The following SASH1 variants were observed in gnomAD, a reference collection of about 807,000 sequenced individuals.
The protein encoded by SASH1 is SAM and SH3 domain containing 1.
SASH1 carries 44 observed loss-of-function variants against 125.2 expected under a neutral mutation model. The ratio of observed to expected loss-of-function variants is 0.35; its 90% CI spans 0.28 to 0.45. The LOEUF (loss-of-function observed/expected upper bound fraction) is 0.45. Among genes scored for constraint, SASH1 ranks in the 20% least tolerant of loss-of-function variants. SASH1 has a pLI of 1.00. For synonymous variants in SASH1, 639 were observed against 649.1 expected (o/e 0.98, Z 0.24); for missense variants, 1,426 against 1,614.5 (o/e 0.88, Z 2.00).
At chr6:148,356,333 C>G (rs1385249019) in intron 1 of SASH1, among the ~76,000 whole-genome samples, 3 of 151,922 alleles carry the variant, frequency 2.0e-5, no homozygotes, top group Non-Finnish European at 4.4e-5. Context: ...GATCCGCCTG[C>G]CTCAGCCTCC....
At position 148,514,055 on chromosome 6, in the gene SASH1, A is replaced by G. The variant is rs1780295794; in HGVS notation, c.730-269A>G. ...CTAAGAGAGGACAAGGAAGTAGTTG[A>G]GACAGATGCCCCCACAGGCCACTTG... On this transcript the variant is annotated intron_variant, in intron 8 of 19. Coordinates refer to ENST00000367467, the MANE Select transcript of SASH1 (RefSeq NM_015278.5). 1.2e-5 allele frequency: 14 copies of G among 1,178,148 alleles called. No homozygotes were observed. The South Asian group carries it at 3.4e-4, about 28-fold the overall frequency. The allele number at this position is 1,178,148 out of a possible 1,614,324, so 73.0% of individuals were successfully genotyped here.
At chr6:148,252,475 G>T in the SASH1 span, among the ~76,000 whole-genome samples, 6 of 147,966 alleles carry the variant, frequency 4.1e-5, no homozygotes, top group East Asian at 2.0e-4. Flanking sequence ...TTGTTTTGTG[G>T]TTTTTTTTCT....
chr6:148,511,787 A>C (rs1780152920), intron 8 of SASH1, among the ~76,000 whole-genome samples: 2 of 152,008 alleles, frequency 1.3e-5, no homozygotes, highest in South Asian at 4.1e-4. Flanking sequence ...ACATATAATG[A>C]TTTGTGTCTT....
At chr6:148,459,963 T>G (rs1384511808) in intron 4 of SASH1, among the ~76,000 whole-genome samples, 4 of 152,210 alleles carry the variant, frequency 2.6e-5, no homozygotes, top group African/African-American at 9.7e-5. Context: ...CCATTCATTG[T>G]GTGGTGCCAC....
At chr6:148,349,914 C>T (rs1274811073) in intron 1 of SASH1, among the ~76,000 whole-genome samples, 5 of 150,708 alleles carry the variant, frequency 3.3e-5, no homozygotes, top group South Asian at 2.1e-4. Context: ...GGTGTGATCT[C>T]GACTCGCTGC....
chr6:148,527,359 A>G (rs759883578), intron 11 of SASH1, 94 bp from the exon 12 acceptor site: 38 of 1,131,624 alleles, frequency 3.4e-5, no homozygotes, highest in Non-Finnish European at 4.4e-5. Context: ...AGGAATGTCA[A>G]TATTTCTGAG....
intron 19 of SASH1, 127 bp downstream of exon 19, chr6:148,546,273 A>T: frequency 9.3e-7 from 1 of 1,076,022 alleles, no homozygotes; most frequent in Non-Finnish European, 1.3e-6. Flanking sequence ...GCTGGGGAGA[A>T]AGTAATATGT....
rs1292571221 is a variant in SASH1 at position 148,537,830 on chromosome 6, GT to G, written c.2096-2612del. On this transcript the variant is annotated intron_variant, in intron 16 of 19. Transcript: ENST00000367467. ...TGTGTGTGTGTGTGTGTGTGTGTGTGTGGTTGGTGAGGCTGGAGGCAGAGAG... is the reference window on the plus strand; with the variant it reads ...TGTGTGTGTGTGTGTGTGTGTGTGTGGGTTGGTGAGGCTGGAGGCAGAGAG... 4.3e-5 allele frequency among the ~76,000 whole-genome samples: 6 copies of G among 141,008 alleles called. No individual in the cohort carries two copies. The South Asian group carries it at 9.3e-4, about 22-fold the overall frequency. 92.5% of individuals were successfully genotyped at this position (141,008 alleles called of 152,430 possible).
chr6:148,269,822 AT>A (rs1259843461), upstream of SASH1, among the ~76,000 whole-genome samples: 2 of 152,190 alleles, frequency 1.3e-5, no homozygotes, highest in Non-Finnish European at 2.9e-5. Flanking sequence ...TTGTTCCTGT[AT>A]CCTCAAATCA....
At chr6:148,368,345 A>C (rs752293976) in intron 1 of SASH1, among the ~76,000 whole-genome samples, 1 of 152,118 alleles carries the variant, frequency 6.6e-6, no homozygotes, top group Non-Finnish European at 1.5e-5. Flanking sequence ...ATCTCGACTC[A>C]CTGTAACCTC....
rs752234519 is a variant in SASH1 at position 148,522,341 on chromosome 6, AAG to A, written c.1209+2450_1209+2451del. 3.9e-5 allele frequency among the ~76,000 whole-genome samples: 6 copies of A among 152,108 alleles called. No individual in the cohort carries two copies. In the East Asian group the frequency reaches 1.2e-3, roughly 29 times the overall value. ...AAGTGTTCTATCATCTTACAATAGA[AAG>A]AACTTTTTTAAAAAGGGATTAATCT... On this transcript the variant is annotated intron_variant, in intron 10 of 19. Transcript: ENST00000367467.
At chr6:148,383,070 C>T (rs34649790) in intron 1 of SASH1, among the ~76,000 whole-genome samples, 79 of 152,298 alleles carry the variant, frequency 5.2e-4, no homozygotes, top group Admixed American at 8.5e-4. Context: ...TGCAGAACGA[C>T]GACGACGTGG....
intron 2 of SASH1, among the ~76,000 whole-genome samples, chr6:148,413,511 A>G (rs1048309025): frequency 3.0e-4 from 45 of 152,278 alleles, no homozygotes; most frequent in African/African-American, 9.4e-4. Flanking sequence ...AGCTCATCTT[A>G]CGATATGTAT....
intron 1 of SASH1, among the ~76,000 whole-genome samples, chr6:148,370,552 G>A (rs917649159): frequency 1.3e-5 from 2 of 152,070 alleles, no homozygotes; most frequent in African/African-American, 2.4e-5. Flanking sequence ...GGCCAGGTGC[G>A]GTGGCTCACG....
At chr6:148,400,776 C>A (rs1202081859) in intron 2 of SASH1, among the ~76,000 whole-genome samples, 1 of 152,074 alleles carries the variant, frequency 6.6e-6, no homozygotes, top group East Asian at 1.9e-4. Flanking sequence ...GAATTAAGCT[C>A]TGAGCTGTGG....
At chr6:148,518,823 G>A (rs1024436047) in intron 9 of SASH1, among the ~76,000 whole-genome samples, 1 of 152,184 alleles carries the variant, frequency 6.6e-6, no homozygotes, top group African/African-American at 2.4e-5. Flanking sequence ...TCCAGTGAGG[G>A]CTTCAAGAGC....
chr6:148,291,293 A>C (rs1186951982), intron 1 of SASH1, among the ~76,000 whole-genome samples: 1 of 152,236 alleles, frequency 6.6e-6, no homozygotes, highest in Non-Finnish European at 1.5e-5. Context: ...TGATCATTAC[A>C]CATGGTTTGC....
At chr6:148,327,779 A>G (rs1424510855) in intron 1 of SASH1, among the ~76,000 whole-genome samples, 1 of 150,722 alleles carries the variant, frequency 6.6e-6, no homozygotes, top group Non-Finnish European at 1.5e-5. Flanking sequence ...CGTCTCTACT[A>G]AAAATACAAA....
chr6:148,197,061 T>C, the SASH1 span, among the ~76,000 whole-genome samples: 1 of 152,172 alleles, frequency 6.6e-6, no homozygotes, highest in Non-Finnish European at 1.5e-5. Context: ...CAGAGGATCT[T>C]AGACTGGGTA....
Sources: allele counts gnomAD v4.1 joint callset (sites outside exome capture counted in the v4.1 genomes callset), GRCh38; gene constraint gnomAD v4.1.1; transcripts MANE v1.5; gene names NCBI Gene and HGNC (gene_info 2026-07-23, HGNC 2026-07-21).